HIVEP1: variants seen among roughly 807,000 people sequenced by gnomAD.
HIVEP1 encodes the protein HIVEP zinc finger 1.
Under a neutral mutation model 180.0 loss-of-function variants are expected in HIVEP1, and 36 were observed. The observed-to-expected ratio is 0.20, with a 90% CI of 0.15 to 0.26. The LOEUF is 0.26. HIVEP1 is among the 10% of genes least tolerant of loss of function. The pLI is 1.00. For synonymous variants in HIVEP1, 1,239 were observed against 1,239.0 expected (o/e 1.00, Z 0.00); for missense variants, 3,143 against 3,268.7 (o/e 0.96, Z 0.94).
intron 2 of HIVEP1, among the ~76,000 whole-genome samples, chr6:12,056,485 A>G (rs985313263): frequency 9.9e-5 from 15 of 152,080 alleles, no homozygotes; most frequent in African/African-American, 3.4e-4. Context: ...AAAGTTATCA[A>G]TTTTTGTAAG....
intron 2 of HIVEP1, among the ~76,000 whole-genome samples, chr6:12,023,579 C>T (rs902444796): frequency 6.6e-6 from 1 of 151,866 alleles, no homozygotes; most frequent in Non-Finnish European, 1.5e-5. Context: ...TTACTAGGAG[C>T]GATCATGTAG....
In HIVEP1 at chr6:12,161,729, C is replaced by T. The variant is rs1172497654; in HGVS notation, c.6778C>T (p.Leu2260=). ...PRALLTRMTV[L]STAQSDYNRK... is the part of the protein sequence containing the mutation. Reference sequence around the variant, plus strand: ...GGCGCTGCTCACCAGAATGACTGTCCTGAGCACAGCACAGTCTGACTACAA... The same window carrying T: ...GGCGCTGCTCACCAGAATGACTGTCTTGAGCACAGCACAGTCTGACTACAA... The change falls in exon 8 of 9, where the codon CTG becomes TTG. Residue 2260 remains leucine (L), a synonymous_variant. Transcript: ENST00000379388. 1.2e-5 allele frequency: 19 copies of T among 1,614,170 alleles called. No homozygotes were observed. The highest frequency in any genetic ancestry group is 2.2e-5 in the East Asian group (1 of 44,862).
chr6:12,059,794 C>T (rs1012459657), intron 2 of HIVEP1, among the ~76,000 whole-genome samples: 1 of 152,086 alleles, frequency 6.6e-6, no homozygotes, highest in Non-Finnish European at 1.5e-5. Flanking sequence ...CTCTGAGTGG[C>T]CCTCCATGAA....
the HIVEP1 span, among the ~76,000 whole-genome samples, chr6:12,182,339 A>G: frequency 6.6e-6 from 1 of 152,238 alleles, no homozygotes; most frequent in African/African-American, 2.4e-5. Context: ...AATAAAGTAT[A>G]TGAAGAATCA....
chr6:12,144,232 T>C (rs552868593), intron 7 of HIVEP1, among the ~76,000 whole-genome samples: 1 of 152,196 alleles, frequency 6.6e-6, no homozygotes, highest in South Asian at 2.1e-4. Flanking sequence ...ACCACACATC[T>C]ACAACCAGCT....
At chr6:12,090,920 A>G (rs1773436499) in intron 3 of HIVEP1, among the ~76,000 whole-genome samples, 1 of 152,002 alleles carries the variant, frequency 6.6e-6, no homozygotes, top group African/African-American at 2.4e-5. Flanking sequence ...GAAATTGGAT[A>G]ATGAGGTTCA....
At chr6:12,075,210 T>G (rs1772270794) in intron 2 of HIVEP1, among the ~76,000 whole-genome samples, 1 of 152,178 alleles carries the variant, frequency 6.6e-6, no homozygotes, top group African/African-American at 2.4e-5. Flanking sequence ...GGGTTTGGCG[T>G]TTTAGATTTT....
At chr6:12,139,712 G>GC (rs1758907890) in intron 7 of HIVEP1, among the ~76,000 whole-genome samples, 2 of 152,240 alleles carry the variant, frequency 1.3e-5, no homozygotes, top group South Asian at 4.1e-4. Flanking sequence ...TGGATCCCAT[G>GC]CCCACAGAGC....
At chr6:12,203,178 G>C in the HIVEP1 span, among the ~76,000 whole-genome samples, 1 of 152,294 alleles carries the variant, frequency 6.6e-6, no homozygotes, top group Non-Finnish European at 1.5e-5. Flanking sequence ...AGGGAGCTTT[G>C]CCCCTGAAAA....
intron 2 of HIVEP1, among the ~76,000 whole-genome samples, chr6:12,071,170 A>G (rs1218182110): frequency 2.6e-5 from 4 of 152,064 alleles, no homozygotes; most frequent in Non-Finnish European, 5.9e-5. Flanking sequence ...CTAATAGACC[A>G]TTTCTGTTTC....
chr6:12,024,668 T>A (rs1290498712), intron 2 of HIVEP1, among the ~76,000 whole-genome samples: 2 of 152,216 alleles, frequency 1.3e-5, no homozygotes, highest in African/African-American at 4.8e-5. Context: ...CTGCTTAATA[T>A]AGTATCCAGA....
chr6:12,028,047 A>G (rs908747522), intron 2 of HIVEP1, among the ~76,000 whole-genome samples: 7 of 152,256 alleles, frequency 4.6e-5, no homozygotes, highest in Admixed American at 4.6e-4. Flanking sequence ...TTTGGAAAGC[A>G]TGTTAATTCT....
At chr6:12,169,534 C>A (rs1239187015), downstream of HIVEP1, among the ~76,000 whole-genome samples, 2 of 152,144 alleles carry the variant, frequency 1.3e-5, no homozygotes, top group Non-Finnish European at 2.9e-5. Flanking sequence ...GAGGAGAATG[C>A]CTGCTTAAGA....
Position 12,015,509 on chromosome 6 carries a change from G to GTTT in HIVEP1, c.-103-12_-103-10dup. 2.5e-6 allele frequency: 2 copies of GTTT among 805,860 alleles called. No homozygotes were observed. The highest frequency in any genetic ancestry group is 2.3e-5 in the Admixed American group (1 of 43,476). The allele number at this position is 805,860 out of a possible 1,614,324, so 49.9% of individuals were successfully genotyped here. A position where few individuals can be genotyped will look rare whatever the true frequency, so the allele number is the denominator to read the frequency against. ...TGAAGGTAGTAAAATGTGCTTCTCC[G>GTTT]TTTTTTTCTTTTTCAGCACATGGAT... On this transcript the variant is annotated splice_polypyrimidine_tract_variant and intron_variant, in intron 1 of 8. Transcript: ENST00000379388.
chr6:12,009,120 TGGCGGC>T (rs950139776), upstream of HIVEP1, among the ~76,000 whole-genome samples: 9 of 146,058 alleles, frequency 6.2e-5, 1 homozygote, highest in East Asian at 1.2e-3. Context: ...CGCGTGGCGG[TGGCGGC>T]GGCGGCGGCG....
the HIVEP1 span, among the ~76,000 whole-genome samples, chr6:12,190,407 G>C: frequency 4.6e-5 from 7 of 152,090 alleles, no homozygotes; most frequent in African/African-American, 1.7e-4. Flanking sequence ...ATCCCACCTT[G>C]TTCCTCCCAC....
At chr6:12,041,443 AAG>A (rs1401464082) in intron 2 of HIVEP1, among the ~76,000 whole-genome samples, 1 of 150,554 alleles carries the variant, frequency 6.6e-6, no homozygotes, top group East Asian at 1.9e-4. Flanking sequence ...AAAAAAAAAA[AAG>A]CCGGAGAAAG....
rs267600784 is a variant in HIVEP1, at chr6:12,120,252, C to T, written c.457C>T (p.Pro153Ser). The change falls in exon 4 of 9, where the codon CCT becomes TCT. Residue 153 changes from proline (P) to serine (S), a missense_variant. Around this residue, in one of 12 missense-constraint regions of HIVEP1, gnomAD observed 306 missense variants for 310.6 expected, o/e 0.99. Transcript: ENST00000379388. ...TAGATGGAGATCCGAAGGCGCTGAT[C>T]CTGCCAAATTCAGTGACCTCGATGA... ...LRRWRSEGAD[P>S]AKFSDLDEQC... 1.9e-6 allele frequency: 3 copies of T among 1,614,194 alleles called. No homozygotes were observed. The South Asian group carries it at 3.3e-5, about 18-fold the overall frequency.
At chr6:12,012,044 C>T (rs1347782937), upstream of HIVEP1, 1 of 147,666 alleles carries the variant, frequency 6.8e-6, no homozygotes, top group Non-Finnish European at 1.5e-5. Flanking sequence ...CTACTCTGCC[C>T]CGGGGGAGAG....
Sources: gnomAD v4.1 joint callset for allele counts (sites outside exome capture counted in the v4.1 genomes callset) on GRCh38, gnomAD v4.1.1 for gene constraint, gnomAD v4.1.1 regional missense constraint, MANE v1.5 for transcripts, NCBI Gene and HGNC (gene_info 2026-07-23, HGNC 2026-07-21) for gene names.